The following SCYL1 variants were observed in gnomAD, a reference collection of about 807,000 sequenced individuals.
SCYL1 encodes the protein SCY1 like pseudokinase 1.
Under a neutral mutation model 94.8 loss-of-function variants are expected in SCYL1, and 85 were observed. The observed-to-expected ratio is 0.90, with a 90% CI of 0.75 to 1.07. The LOEUF (loss-of-function observed/expected upper bound fraction) is 1.07. Ranked by LOEUF, SCYL1 falls within the 50% of genes least tolerant of loss-of-function variation. SCYL1 has a pLI of 0.00. For synonymous variants in SCYL1, 459 were observed against 435.5 expected (o/e 1.05, Z -0.67); for missense variants, 968 against 1,083.3 (o/e 0.89, Z 1.49).
At chr11:65,529,074 C>T (rs1191352599) in intron 6 of SCYL1, among the ~76,000 whole-genome samples, 2 of 152,170 alleles carry the variant, frequency 1.3e-5, no homozygotes, top group Admixed American at 1.3e-4. Flanking sequence ...AATGCCCGGC[C>T]CCAGCCGTGT....
chr11:65,537,730 G>A (rs1340994277), intron 14 of SCYL1, 79 bp from the exon 15 acceptor site: 29 of 1,282,532 alleles, frequency 2.3e-5, no homozygotes, highest in Middle Eastern at 2.7e-4. Flanking sequence ...GGTGGGGCCC[G>A]TGGCTGGGAT....
rs369356212 is a variant in SCYL1 at position 65,532,819 on chromosome 11, G to A, written c.1230+14G>A. On this transcript the variant is annotated intron_variant, in intron 9 of 17. Transcript: ENST00000270176. The stretch of plus-strand genomic sequence containing the variant: ...CAGACGGTCAAGGTGGGTGTGGCCA[G>A]GCCCAGAGTGGCTACCCCTGGTTTT... The A allele has an allele frequency of 1.1e-3, 1,692 of 1,592,896 alleles. No homozygotes were observed. Among genetic ancestry groups the A allele is most frequent in the South Asian group, 1.4e-3 (127 of 90,594 alleles).
At chr11:65,525,337 G>T in intron 1 of SCYL1, 73 bp downstream of exon 1, 1 of 1,205,428 alleles carries the variant, frequency 8.3e-7, no homozygotes, top group Non-Finnish European at 1.1e-6. Flanking sequence ...ACCCCGTCGC[G>T]TTGCGCCCGG....
chr11:65,532,928 G>A (rs1422557234), intron 9 of SCYL1, 123 bp downstream of exon 9: 1 of 715,478 alleles, frequency 1.4e-6, no homozygotes, highest in South Asian at 1.6e-5. Flanking sequence ...TTGCTGTGTG[G>A]GTTCAGGCCG....
rs771867385 is a variant in SCYL1 at position 65,526,148 on chromosome 11, G to A, written c.400G>A (p.Asp134Asn). Residue 134 changes from aspartate to asparagine, a missense_variant, in exon 4 of 18, where the codon GAC becomes AAC. This residue lies in a region of SCYL1 where 494 missense variants were observed against 619.7 expected (regional missense o/e 0.80). Coordinates refer to ENST00000270176, the MANE Select transcript of SCYL1 (RefSeq NM_020680.4). The surrounding 1 kb of genome is among the most constrained non-coding windows in gnomAD (Gnocchi z 4.1). ...IVKALSFLVN[D>N]CSLIHNNVCM... is the part of the protein sequence containing the mutation. Reference sequence around the variant, plus strand: ...GAAAGCCCTCAGCTTCCTGGTCAACGACTGCAGCCTCATCCACAACAATGT... The same window carrying A: ...GAAAGCCCTCAGCTTCCTGGTCAACAACTGCAGCCTCATCCACAACAATGT... 11 of 1,613,006 alleles carry A rather than the reference G, an allele frequency of 6.8e-6. No individual in the cohort carries two copies. The African/African-American group carries it at 1.1e-4, about 16-fold the overall frequency.
chr11:65,535,125 T>G, intron 9 of SCYL1, 102 bp from the exon 10 acceptor site: 1 of 1,481,808 alleles, frequency 6.7e-7, no homozygotes, highest in Admixed American at 1.9e-5. Flanking sequence ...CCTTGCAGGC[T>G]TTGATGGGTG....
chr11:65,526,685 C>T lies in SCYL1; in HGVS notation c.603-98C>T. ...TGATGGCTCAGCTGAGGGACATAGCCAGGCCCTGGCATGCAGTGGGTGCCT... is the reference window on the plus strand; with the variant it reads ...TGATGGCTCAGCTGAGGGACATAGCTAGGCCCTGGCATGCAGTGGGTGCCT... On this transcript the variant is annotated intron_variant, in intron 4 of 17. Transcript: ENST00000270176. The surrounding 1 kb of genome is among the most constrained non-coding windows in gnomAD (Gnocchi z 4.1). The T allele has an allele frequency of 8.5e-7, 1 of 1,178,758 alleles. No homozygotes were observed. Among genetic ancestry groups the T allele is most frequent in the Non-Finnish European group, 1.2e-6 (1 of 822,404 alleles). The allele number at this position is 1,178,758 out of a possible 1,614,324, so 73.0% of individuals were successfully genotyped here.
At chr11:65,525,376 G>A in intron 1 of SCYL1, 112 bp downstream of exon 1, 1 of 1,067,134 alleles carries the variant, frequency 9.4e-7, no homozygotes, top group Non-Finnish European at 1.3e-6. Flanking sequence ...CCAAGGGGTA[G>A]CAGGCCGGGG....
Position 65,538,105 on chromosome 11 carries a change from G to A in SCYL1, c.2170G>A (p.Glu724Lys), listed in dbSNP as rs2135104211. ...PPPDGTRLASEYNWGGPESSD... is the reference protein window; with the variant it reads ...PPPDGTRLASKYNWGGPESSD... ...TCCTGACGGTACACGGCTGGCCAGC[G>A]AGTATAACTGGGGTGGCCCAGAGTC... Residue 724 changes from glutamate (E) to lysine (K), a missense_variant, in exon 16 of 18, where the codon GAG becomes AAG. Glu to Lys is a moderately conservative substitution (Grantham distance 56, BLOSUM62 1). Coordinates refer to ENST00000270176, the MANE Select transcript of SCYL1 (RefSeq NM_020680.4). 9 of 1,604,104 alleles carry A rather than the reference G, an allele frequency of 5.6e-6. No homozygotes were observed. The highest frequency in any genetic ancestry group is 1.3e-5 in the African/African-American group (1 of 74,958).
chr11:65,538,118 G>A lies in SCYL1; in HGVS notation c.2183G>A (p.Gly728Asp), dbSNP rs748925905. The A allele has an allele frequency of 3.1e-6, 5 of 1,603,586 alleles. No individual in the cohort carries two copies. The highest frequency in any genetic ancestry group is 1.7e-6 in the Non-Finnish European group (2 of 1,175,668). ...CGGCTGGCCAGCGAGTATAACTGGG[G>A]TGGCCCAGAGTCCAGCGACAAGGGC... ...GTRLASEYNW[G>D]GPESSDKGDP... Residue 728 changes from glycine (G) to aspartate (D), a missense_variant, in exon 16 of 18, where the codon GGT (glycine) becomes GAT (aspartate). Gly to Asp is a moderately conservative substitution (Grantham distance 94, BLOSUM62 -1). This residue lies in a region of SCYL1 where 474 missense variants were observed against 463.6 expected (regional missense o/e 1.02). Transcript: ENST00000270176.
At position 65,536,132 on chromosome 11, in the gene SCYL1, G is replaced by T; in HGVS notation, c.1566G>T (p.Val522=). Residue 522 remains valine, a synonymous_variant, in exon 11 of 18, where the codon GTG becomes GTT. Transcript: ENST00000270176. ...TCACTGTAGATCCTGAGAAATCCGT[G>T]CGAGACCAGGTGAGGCACAGCTGGG... ...CGLTVDPEKS[V]RDQAFKAIRS... is the part of the protein sequence containing the mutation. The T allele has an allele frequency of 6.2e-7, 1 of 1,613,500 alleles. No homozygotes were observed. Among genetic ancestry groups the T allele is most frequent in the African/African-American group, 1.3e-5 (1 of 75,060 alleles).
chr11:65,536,746 T>C lies in SCYL1; in HGVS notation c.1812T>C (p.Pro604=). ...CCAACATTCCCCAAAGACCCACGCC[T>C]GAAGGTGAGTGTCCTGGCCTAGCTG... ...TETNIPQRPT[P]EGVPAPAPTP... Residue 604 remains proline, a synonymous_variant, in exon 13 of 18, where the codon CCT becomes CCC. Coordinates refer to ENST00000270176, the MANE Select transcript of SCYL1 (RefSeq NM_020680.4). The C allele has an allele frequency of 6.3e-7, 1 of 1,598,476 alleles. No individual in the cohort carries two copies. The highest frequency in any genetic ancestry group is 8.6e-7 in the Non-Finnish European group (1 of 1,168,822).
In SCYL1 at chr11:65,525,089, C is replaced by T. The variant is rs1422342654; in HGVS notation, c.-65C>T. 1.4e-5 allele frequency: 16 copies of T among 1,146,744 alleles called. No homozygotes were observed. The highest frequency in any genetic ancestry group is 3.2e-4 in the Middle Eastern group (1 of 3,086). The allele number at this position is 1,146,744 out of a possible 1,614,324, so 71.0% of individuals were successfully genotyped here. On this transcript the variant is annotated 5_prime_UTR_variant, in exon 1 of 18. Coordinates refer to ENST00000270176, the MANE Select transcript of SCYL1 (RefSeq NM_020680.4). ...CAGGCCCCGCCCCCTCTCCGCCCCG[C>T]CCCGGCTCGGGCGGCCGGAGGACCC... is the stretch of plus-strand genomic sequence containing the variant.
Position 65,536,994 on chromosome 11 carries a change from G to A in SCYL1, c.1825G>A (p.Ala609Thr), listed in dbSNP as rs779021365. 5 of 1,610,640 alleles carry A rather than the reference G, an allele frequency of 3.1e-6. No individual in the cohort carries two copies. In the South Asian group the frequency reaches 4.4e-5, roughly 14 times the overall value. The change falls in exon 14 of 18, where the codon GCC (alanine) becomes ACC (threonine). Residue 609 changes from alanine to threonine, a missense_variant. Ala to Thr is a moderately conservative substitution (Grantham distance 58). Transcript: ENST00000270176. ...PQRPTPEGVP[A>T]PAPTPVPATP... is the part of the protein sequence containing the mutation. The stretch of plus-strand genomic sequence containing the variant: ...GAGCCTCTGCTCCCCAGGAGTTCCT[G>A]CCCCAGCCCCCACCCCTGTTCCTGC...
rs777930072 is a variant in SCYL1, at chr11:65,526,908, C to T, written c.693+35C>T. The T allele has an allele frequency of 2.5e-6, 4 of 1,611,398 alleles. No homozygotes were observed. In the African/African-American group the frequency reaches 4.0e-5, roughly 16 times the overall value. ...TTGCCCCTGGCTCTTTGCCCTGCCT[C>T]AGCCCCTCTGCCAGCTGGCTACCCC... is the stretch of plus-strand genomic sequence containing the variant. On this transcript the variant is annotated intron_variant, in intron 5 of 17. Coordinates refer to ENST00000270176, the MANE Select transcript of SCYL1 (RefSeq NM_020680.4). This position sits in a 1 kb window ranked among gnomAD's most constrained non-coding sequence, Gnocchi z 4.1.
Position 65,532,734 on chromosome 11 carries a change from A to G in SCYL1, c.1159A>G (p.Thr387Ala). Reference protein sequence around the residue: ...IQYLDEPTVNTQIFPHVVHGF... With the variant: ...IQYLDEPTVNAQIFPHVVHGF... Reference sequence around the variant, plus strand: ...GTACCTTGACGAGCCAACAGTCAACACCCAGATCTTCCCCCACGTCGTACA... The same window carrying G: ...GTACCTTGACGAGCCAACAGTCAACGCCCAGATCTTCCCCCACGTCGTACA... The change falls in exon 9 of 18, where the codon ACC becomes GCC. Residue 387 changes from threonine to alanine, a missense_variant. Thr to Ala is a moderately conservative substitution (Grantham distance 58). Transcript: ENST00000270176. The G allele has an allele frequency of 1.9e-6, 3 of 1,614,126 alleles. No individual in the cohort carries two copies. The South Asian group carries it at 3.3e-5, about 18-fold the overall frequency.
In SCYL1 at chr11:65,535,947, T is replaced by C; in HGVS notation, c.1387-6T>C. ...CTCAGGAGCCCTCTTTCCTGCCCCA[T>C]CGTAGACCAGACACAGGGTCCTTAC... is the stretch of plus-strand genomic sequence containing the variant. On this transcript the variant is annotated splice_polypyrimidine_tract_variant and splice_region_variant and intron_variant, in intron 10 of 17. Coordinates refer to ENST00000270176, the MANE Select transcript of SCYL1 (RefSeq NM_020680.4). 2 of 1,575,532 alleles carry C rather than the reference T, an allele frequency of 1.3e-6. No homozygotes were observed. Among genetic ancestry groups the C allele is most frequent in the Non-Finnish European group, 8.6e-7 (1 of 1,160,062 alleles).
In SCYL1 at chr11:65,526,017, A is replaced by T; in HGVS notation, c.349A>T (p.Ile117Phe). 1 of 1,612,998 alleles carries T rather than the reference A, an allele frequency of 6.2e-7. No homozygotes were observed. Among genetic ancestry groups the T allele is most frequent in the South Asian group, 1.1e-5 (1 of 91,066 alleles). ...VEAGGLKELEISWGLHQIVKA... is the reference protein window; with the variant it reads ...VEAGGLKELEFSWGLHQIVKA... ...GGCTGGTGGCCTGAAGGAGCTGGAG[A>T]TCTCCTGGGGGCTACACCAGATCGT... Residue 117 changes from isoleucine to phenylalanine, a missense_variant, in exon 3 of 18, where the codon ATC becomes TTC. Coordinates refer to ENST00000270176, the MANE Select transcript of SCYL1 (RefSeq NM_020680.4). This position sits in a 1 kb window ranked among gnomAD's most constrained non-coding sequence, Gnocchi z 4.1.
Position 65,526,409 on chromosome 11 carries a change from C to T in SCYL1, c.602+59C>T. The T allele has an allele frequency of 7.2e-7, 1 of 1,391,106 alleles. No individual in the cohort carries two copies. The highest frequency in any genetic ancestry group is 2.2e-5 in the Admixed American group (1 of 45,868). The allele number at this position is 1,391,106 out of a possible 1,614,324, so 86.2% of individuals were successfully genotyped here. A position where few individuals can be genotyped will look rare whatever the true frequency, so the allele number is the denominator to read the frequency against. ...CCTGTCCTGGAGGCCCCTGCAGCCT[C>T]AGGACTCCTAGACTAGTTGGCACTC... is the stretch of plus-strand genomic sequence containing the variant. On this transcript the variant is annotated intron_variant, in intron 4 of 17. Transcript: ENST00000270176. The surrounding 1 kb of genome is among the most constrained non-coding windows in gnomAD (Gnocchi z 4.1).
Sources: gnomAD v4.1 joint callset for allele counts (sites outside exome capture counted in the v4.1 genomes callset) on GRCh38, gnomAD v4.1.1 for gene constraint, gnomAD v4.1.1 regional missense constraint, Gnocchi (gnomAD v3.1) non-coding constraint, MANE v1.5 for transcripts, NCBI Gene and HGNC (gene_info 2026-07-23, HGNC 2026-07-21) for gene names.